The following ITSN1 variants were observed in gnomAD, a reference collection of about 807,000 sequenced individuals.
ITSN1 encodes the protein intersectin 1.
In ITSN1, 58 loss-of-function variants were observed where a neutral mutation model predicts 239.8. The ratio of observed to expected loss-of-function variants is 0.24; its 90% CI spans 0.20 to 0.30. The LOEUF is 0.30. Ranked by LOEUF, ITSN1 falls within the 10% of genes least tolerant of loss-of-function variation. The pLI, the probability that ITSN1 is intolerant of heterozygous loss-of-function variation, is 1.00. For synonymous variants in ITSN1, 780 were observed against 770.8 expected, an observed-to-expected ratio of 1.01 and a Z score of -0.20; for missense variants, 1,558 against 2,103.3, an observed-to-expected ratio of 0.74 and a Z score of 5.07.
intron 2 of ITSN1, 144 bp from the exon 3 acceptor site, chr21:33,721,034 A>G: frequency 5.3e-6 from 3 of 561,658 alleles, no homozygotes; most frequent in South Asian, 5.3e-5. Context: ...TATATGCATA[A>G]CTTCCAAGGA....
chr21:33,880,324 C>A (rs1027098952), intron 34 of ITSN1, among the ~76,000 whole-genome samples: 1 of 152,158 alleles, frequency 6.6e-6, no homozygotes, highest in Admixed American at 6.5e-5. Flanking sequence ...AACGAGAGCA[C>A]CTTTATGTCA....
chr21:33,650,598 T>G lies in ITSN1; in HGVS notation c.-33+7885T>G, dbSNP rs140333365. ...AATCAATTCATTTCCGCTCTGAACT[T>G]AAGATAGTAGATTTTAAAACCAAGT... On this transcript the variant is annotated intron_variant, in intron 1 of 39. Transcript: ENST00000381318. Among the ~76,000 whole-genome samples the G allele has an allele frequency of 7.3e-3, 1,108 of 152,340 alleles. 40 individuals are homozygous for G. The highest frequency in any genetic ancestry group is 0.056 in the Admixed American group (861 of 15,304).
At chr21:33,765,742 T>G in intron 9 of ITSN1, 133 bp from the exon 10 acceptor site, 1 of 839,990 alleles carries the variant, frequency 1.2e-6, no homozygotes, top group African/African-American at 1.7e-5. Context: ...AGGTACTATT[T>G]TGACAAAATG....
intron 2 of ITSN1, among the ~76,000 whole-genome samples, chr21:33,720,818 T>A (rs2065440819): frequency 6.6e-6 from 1 of 152,220 alleles, no homozygotes; most frequent in Non-Finnish European, 1.5e-5. Flanking sequence ...TTTAAGGCAC[T>A]TGAGAGTACA....
In ITSN1 at chr21:33,888,340, C is replaced by T. The variant is rs1032717746; in HGVS notation, c.*40C>T. The T allele has an allele frequency of 1.3e-5, 21 of 1,566,418 alleles. No individual in the cohort carries two copies. Among genetic ancestry groups the T allele is most frequent in the Middle Eastern group, 2.0e-4 (1 of 5,020 alleles). ...GTGTGCTCAGCAGGGTCCCAGCCCA[C>T]GGCCACACATGCTGTCTGGAAATTG... On this transcript the variant is annotated 3_prime_UTR_variant, in exon 40 of 40. Coordinates refer to ENST00000381318, the MANE Select transcript of ITSN1 (RefSeq NM_003024.3).
At chr21:33,838,678 G>A (rs2074717615) in intron 29 of ITSN1, among the ~76,000 whole-genome samples, 1 of 152,074 alleles carries the variant, frequency 6.6e-6, no homozygotes, top group South Asian at 2.1e-4. Flanking sequence ...CTCTCCCCGT[G>A]CTCTCCACCT....
chr21:33,662,605 A>G (rs1013307009), intron 1 of ITSN1, among the ~76,000 whole-genome samples: 6 of 152,170 alleles, frequency 3.9e-5, no homozygotes, highest in African/African-American at 1.2e-4. Context: ...CTAATCAGGA[A>G]GGTTTCTTGG....
chr21:33,757,754 A>G (rs916509003), intron 8 of ITSN1, among the ~76,000 whole-genome samples: 2 of 152,216 alleles, frequency 1.3e-5, no homozygotes, highest in Non-Finnish European at 2.9e-5. Flanking sequence ...GAAAGTTGAG[A>G]AAAGGTTTCA....
At chr21:33,844,584 G>A (rs764802029) in intron 29 of ITSN1, among the ~76,000 whole-genome samples, 7 of 152,126 alleles carry the variant, frequency 4.6e-5, no homozygotes, top group Non-Finnish European at 8.8e-5. Flanking sequence ...GCCCCAAAGC[G>A]CTGTCTCCAG....
intron 20 of ITSN1, 41 bp from the exon 21 acceptor site, chr21:33,810,934 G>T (rs749709041): frequency 5.0e-6 from 8 of 1,613,516 alleles, no homozygotes. Flanking sequence ...TCTATTCAGG[G>T]GTTAATTTAG....
chr21:33,741,838 T>C (rs972494469), intron 5 of ITSN1, among the ~76,000 whole-genome samples: 13 of 130,454 alleles, frequency 1.0e-4, no homozygotes, highest in Non-Finnish European at 1.8e-4. Flanking sequence ...GAGCTTGCAG[T>C]GAGCTGAGAT....
At chr21:33,827,579 G>A (rs1031440912) in intron 26 of ITSN1, among the ~76,000 whole-genome samples, 5 of 152,084 alleles carry the variant, frequency 3.3e-5, no homozygotes, top group South Asian at 2.1e-4. Context: ...ACAAACAATG[G>A]AGAAGATTAG....
rs183242449 is a variant in ITSN1, at chr21:33,655,303, A to G, written c.-33+12590A>G. On this transcript the variant is annotated intron_variant, in intron 1 of 39. Transcript: ENST00000381318. ...TGGTGTCATTTCCTTTCACATCCATATAAAATGTTGACCTCCTGCAAAAAC... is the reference window on the plus strand; with the variant it reads ...TGGTGTCATTTCCTTTCACATCCATGTAAAATGTTGACCTCCTGCAAAAAC... Among the ~76,000 whole-genome samples, 626 of 152,184 alleles carry G rather than the reference A, an allele frequency of 4.1e-3. 4 individuals are homozygous for G. The highest frequency in any genetic ancestry group is 0.014 in the African/African-American group (601 of 41,538).
At chr21:33,832,263 C>A (rs1350968601) in intron 27 of ITSN1, among the ~76,000 whole-genome samples, 1 of 152,242 alleles carries the variant, frequency 6.6e-6, no homozygotes, top group African/African-American at 2.4e-5. Context: ...TGGAAGCTCT[C>A]TGTGACCATC....
At chr21:33,883,894 GTTTTTT>G (rs34448559) in intron 36 of ITSN1, among the ~76,000 whole-genome samples, 2 of 109,778 alleles carry the variant, frequency 1.8e-5, no homozygotes, top group Non-Finnish European at 3.5e-5. Context: ...TTTTGCTTGA[GTTTTTT>G]TTTTTTTTTT....
intron 11 of ITSN1, among the ~76,000 whole-genome samples, chr21:33,770,127 G>T (rs539604342): frequency 1.3e-5 from 2 of 148,768 alleles, no homozygotes; most frequent in South Asian, 4.3e-4. Context: ...GCAGTGGCGC[G>T]ATCTTGGCTC....
At position 33,863,464 on chromosome 21, in the gene ITSN1, T is replaced by G. The variant is rs543073383; in HGVS notation, c.3891-1687T>G. On this transcript the variant is annotated intron_variant, in intron 31 of 39. Coordinates refer to ENST00000381318, the MANE Select transcript of ITSN1 (RefSeq NM_003024.3). ...TGAGGTCAGCAGTTCGAGACCAGCC[T>G]GGCCAACATGGCGAAACCCCATCTC... 3.9e-5 allele frequency among the ~76,000 whole-genome samples: 6 copies of G among 152,318 alleles called. 1 individual carries two copies. The East Asian group carries it at 1.2e-3, about 29-fold the overall frequency.
intron 1 of ITSN1, among the ~76,000 whole-genome samples, chr21:33,650,955 TA>T (rs1259150141): frequency 6.6e-6 from 1 of 152,264 alleles, no homozygotes; most frequent in Non-Finnish European, 1.5e-5. Flanking sequence ...TAATATTCTT[TA>T]AATGATTACA....
intron 8 of ITSN1, among the ~76,000 whole-genome samples, chr21:33,755,939 C>G (rs2067877225): frequency 6.6e-6 from 1 of 152,162 alleles, no homozygotes; most frequent in African/African-American, 2.4e-5. Flanking sequence ...TTATCTACGT[C>G]AGAAGGATAG....
Sources: allele counts gnomAD v4.1 joint callset (sites outside exome capture counted in the v4.1 genomes callset), GRCh38; gene constraint gnomAD v4.1.1; transcripts MANE v1.5; gene names NCBI Gene and HGNC (gene_info 2026-07-23, HGNC 2026-07-21).